SLC22A23: variants seen among roughly 807,000 people sequenced by gnomAD.
The protein encoded by SLC22A23 is solute carrier family 22 member 23.
Under a neutral mutation model 61.0 loss-of-function variants are expected in SLC22A23, and 26 were observed. That is an observed-to-expected ratio of 0.43 (90% CI 0.31 to 0.59). The LOEUF is 0.59. Among genes scored for constraint, SLC22A23 ranks in the 20% least tolerant of loss-of-function variants. The pLI is 0.11. For synonymous variants in SLC22A23, 430 were observed against 413.9 expected (o/e 1.04, Z -0.47); for missense variants, 796 against 934.7 (o/e 0.85, Z 1.94).
intron 1 of SLC22A23, among the ~76,000 whole-genome samples, chr6:3,435,919 G>A (rs1483384867): frequency 6.6e-6 from 1 of 152,146 alleles, no homozygotes; most frequent in Non-Finnish European, 1.5e-5. Context: ...GGGAGAAGAC[G>A]CCATCTGCAA....
intron 3 of SLC22A23, among the ~76,000 whole-genome samples, chr6:3,325,120 G>C (rs1403457499): frequency 6.6e-6 from 1 of 152,128 alleles, no homozygotes; most frequent in Non-Finnish European, 1.5e-5. Flanking sequence ...GAGGAGGAGG[G>C]GGAAGAAGAA....
At chr6:3,389,268 C>CAAAAAAAAAAAAAAAA (rs61020784) in intron 3 of SLC22A23, among the ~76,000 whole-genome samples, 3 of 32,592 alleles carry the variant, frequency 9.2e-5, no homozygotes, top group African/African-American at 1.6e-4. Context: ...AACTCTGTCT[C>CAAAAAAAAAAAAAAAA]AAAAAAAAAA....
intron 4 of SLC22A23, chr6:3,311,880 G>A (rs942570840): frequency 2.0e-5 from 3 of 152,112 alleles, no homozygotes; most frequent in Non-Finnish European, 4.4e-5. Flanking sequence ...TTGTAGCCCT[G>A]GGCAAGTCAC....
At position 3,309,810 on chromosome 6, in the gene SLC22A23, G is replaced by C. The variant is rs539233630; in HGVS notation, c.1083-11592C>G. Among the ~76,000 whole-genome samples, 1 of 152,154 alleles carries C rather than the reference G, an allele frequency of 6.6e-6. No individual in the cohort carries two copies. The highest frequency in any genetic ancestry group is 2.1e-4 in the South Asian group (1 of 4,830). On this transcript the variant is annotated intron_variant, in intron 4 of 9. Transcript: ENST00000406686. This position sits in a 1 kb window ranked among gnomAD's most constrained non-coding sequence, Gnocchi z 4.7. ...TACAAAACGGAACTACAGTCAGAAGGGCATCTCCGGATTGCACTTAACCCA... is the reference window on the plus strand; with the variant it reads ...TACAAAACGGAACTACAGTCAGAAGCGCATCTCCGGATTGCACTTAACCCA...
At chr6:3,446,536 G>T (rs1008089431) in intron 1 of SLC22A23, among the ~76,000 whole-genome samples, 3 of 152,182 alleles carry the variant, frequency 2.0e-5, no homozygotes, top group African/African-American at 7.2e-5. Context: ...AGAGAAAATG[G>T]CAGAACACGC....
rs1769513219 is a variant in SLC22A23, at chr6:3,414,365, T to C, written c.758+1387A>G. Among the ~76,000 whole-genome samples the C allele has an allele frequency of 6.6e-6, 1 of 152,142 alleles. No homozygotes were observed. Among genetic ancestry groups the C allele is most frequent in the African/African-American group, 2.4e-5 (1 of 41,414 alleles). On this transcript the variant is annotated intron_variant, in intron 2 of 9. Transcript: ENST00000406686. This position sits in a 1 kb window ranked among gnomAD's most constrained non-coding sequence, Gnocchi z 5.1. ...AAAAAAATAAACCCTGTGTTGCCTC[T>C]ACCAAAGAAAGCCCCCAAGAGGTCC...
chr6:3,425,291 T>TTG (rs1770416191), intron 1 of SLC22A23, among the ~76,000 whole-genome samples: 1 of 144,434 alleles, frequency 6.9e-6, no homozygotes, highest in Non-Finnish European at 1.5e-5. Context: ...AATTCTTTTT[T>TTG]TTTTTTTTTT....
At chr6:3,443,343 G>A (rs1771714759) in intron 1 of SLC22A23, among the ~76,000 whole-genome samples, 1 of 152,192 alleles carries the variant, frequency 6.6e-6, no homozygotes, top group African/African-American at 2.4e-5. Flanking sequence ...TGTGAAGGCA[G>A]GGGTGGGAGT....
intron 4 of SLC22A23, among the ~76,000 whole-genome samples, chr6:3,321,267 G>T (rs1361198849): frequency 1.3e-5 from 2 of 152,234 alleles, no homozygotes; most frequent in Non-Finnish European, 2.9e-5. Context: ...TGTGAGGCAG[G>T]CTGGAGGCAG....
At chr6:3,379,277 CA>C (rs1280046924) in intron 3 of SLC22A23, among the ~76,000 whole-genome samples, 2 of 152,144 alleles carry the variant, frequency 1.3e-5, no homozygotes, top group Non-Finnish European at 2.9e-5. Context: ...TTCCTCTTGG[CA>C]AAAGTAGTTT....
intron 4 of SLC22A23, among the ~76,000 whole-genome samples, chr6:3,310,941 CTTTA>C (rs954285086): frequency 2.2e-4 from 34 of 152,282 alleles, no homozygotes; most frequent in African/African-American, 7.9e-4. Context: ...CAAGTCATTC[CTTTA>C]TTTGTTTTTC....
chr6:3,339,487 G>A (rs1457946796), intron 3 of SLC22A23, among the ~76,000 whole-genome samples: 1 of 152,188 alleles, frequency 6.6e-6, no homozygotes, highest in Non-Finnish European at 1.5e-5. Context: ...AAATGAGGCT[G>A]AAACCTACTG....
rs561162882 is a variant in SLC22A23, at chr6:3,308,988, G to A, written c.1083-10770C>T. ...AACCAAAAAACCCCAACAACCCACA[G>A]TGTGGATCGGCAGGTCCCTAACCCC... On this transcript the variant is annotated intron_variant, in intron 4 of 9. Coordinates refer to ENST00000406686, the MANE Select transcript of SLC22A23 (RefSeq NM_015482.2). This position sits in a 1 kb window ranked among gnomAD's most constrained non-coding sequence, Gnocchi z 5.1. Among the ~76,000 whole-genome samples the A allele has an allele frequency of 6.6e-6, 1 of 151,820 alleles. No individual in the cohort carries two copies. The highest frequency in any genetic ancestry group is 2.1e-4 in the South Asian group (1 of 4,802).
intron 3 of SLC22A23, among the ~76,000 whole-genome samples, chr6:3,367,078 CT>C (rs1406159534): frequency 4.6e-5 from 7 of 152,222 alleles, no homozygotes; most frequent in Non-Finnish European, 7.3e-5. Flanking sequence ...TGCCTTCTGT[CT>C]CCACTAAACA....
At chr6:3,452,746 T>A (rs1157925211) in intron 1 of SLC22A23, among the ~76,000 whole-genome samples, 1 of 152,116 alleles carries the variant, frequency 6.6e-6, no homozygotes, top group Non-Finnish European at 1.5e-5. Flanking sequence ...ATTAATGTTG[T>A]CATTATTTTG....
At chr6:3,444,939 G>A (rs1172485050) in intron 1 of SLC22A23, 8 of 985,362 alleles carry the variant, frequency 8.1e-6, no homozygotes, top group East Asian at 1.1e-4. Context: ...CTTCTCAGAC[G>A]ACTCATCCCG....
intron 3 of SLC22A23, among the ~76,000 whole-genome samples, chr6:3,362,672 A>G (rs1424763605): frequency 6.6e-6 from 1 of 152,068 alleles, no homozygotes; most frequent in Non-Finnish European, 1.5e-5. Context: ...TGCCATCTAC[A>G]AATCTGGCCT....
At position 3,345,864 on chromosome 6, in the gene SLC22A23, G is replaced by A. The variant is rs56774552; in HGVS notation, c.914-21862C>T. Among the ~76,000 whole-genome samples the A allele has an allele frequency of 6.3e-3, 965 of 152,280 alleles. 17 individuals carry two copies. Among genetic ancestry groups the A allele is most frequent in the African/African-American group, 0.018 (739 of 41,550 alleles). ...GCCTACCTGCTGCTAAGCAGATTTTGTTTTTGTTTCAGTTTTCTATTTATA... is the reference window on the plus strand; with the variant it reads ...GCCTACCTGCTGCTAAGCAGATTTTATTTTTGTTTCAGTTTTCTATTTATA... On this transcript the variant is annotated intron_variant, in intron 3 of 9. Transcript: ENST00000406686.
At chr6:3,343,941 G>A (rs751294773) in intron 3 of SLC22A23, among the ~76,000 whole-genome samples, 1 of 152,176 alleles carries the variant, frequency 6.6e-6, no homozygotes, top group African/African-American at 2.4e-5. Flanking sequence ...TTTTAGATTC[G>A]ATTCGCTTAT....
Sources: allele counts gnomAD v4.1 joint callset (sites outside exome capture counted in the v4.1 genomes callset), GRCh38; gene constraint gnomAD v4.1.1; non-coding constraint Gnocchi (gnomAD v3.1); transcripts MANE v1.5; gene names NCBI Gene and HGNC (gene_info 2026-07-23, HGNC 2026-07-21).